ANGPT1: variants seen among roughly 807,000 people sequenced by gnomAD.
ANGPT1 encodes angiopoietin 1, also known as angiopoietin-1.
A neutral mutation model predicts 62.2 loss-of-function variants in ANGPT1; 17 were observed. That is an observed-to-expected ratio of 0.27 (90% confidence interval 0.19 to 0.41). ANGPT1 has a LOEUF of 0.41. Ranked by LOEUF, ANGPT1 falls within the 10% of genes least tolerant of loss-of-function variation. The pLI is 1.00. For missense variants in ANGPT1, 478 were observed against 594.9 expected, an observed-to-expected ratio of 0.80 and a Z score of 2.04; for synonymous variants, 199 against 198.9, an observed-to-expected ratio of 1.00 and a Z score of 0.00.
chr8:107,450,179 T>C (rs1811730776), intron 1 of ANGPT1, among the ~76,000 whole-genome samples: 1 of 152,032 alleles, frequency 6.6e-6, no homozygotes, highest in Admixed American at 6.6e-5. Flanking sequence ...CATACGGTAT[T>C]GTTGGAAAAG....
chr8:107,271,095 G>A (rs11784856), intron 7 of ANGPT1, among the ~76,000 whole-genome samples: 36,197 of 151,818 alleles, frequency 0.24, 4,602 homozygotes, highest in East Asian at 0.31. Context: ...ACGAAATGGA[G>A]AAATAAATAA....
At chr8:107,288,493 C>T (rs1261201340) in intron 6 of ANGPT1, among the ~76,000 whole-genome samples, 1 of 152,004 alleles carries the variant, frequency 6.6e-6, no homozygotes, top group Non-Finnish European at 1.5e-5. Context: ...TCAGAAACAG[C>T]TGTGGGGGTT....
At chr8:107,370,338 GA>G (rs56758955) in intron 1 of ANGPT1, among the ~76,000 whole-genome samples, 1 of 33,760 alleles carries the variant, frequency 3.0e-5, no homozygotes, top group African/African-American at 8.4e-5. Flanking sequence ...AGGAAAGAAA[GA>G]AAAAGAAAGA....
chr8:107,444,111 G>T (rs1811552188), intron 1 of ANGPT1, among the ~76,000 whole-genome samples: 1 of 152,104 alleles, frequency 6.6e-6, no homozygotes, highest in South Asian at 2.1e-4. Context: ...AATTGTCCAT[G>T]GGTTATATGT....
At chr8:107,424,223 C>G (rs974325464) in intron 1 of ANGPT1, among the ~76,000 whole-genome samples, 5 of 151,952 alleles carry the variant, frequency 3.3e-5, no homozygotes, top group Non-Finnish European at 5.9e-5. Flanking sequence ...TCTTAGTTGG[C>G]TTCAAAATGC....
chr8:107,280,392 C>T (rs1401116425), intron 7 of ANGPT1, among the ~76,000 whole-genome samples: 1 of 151,928 alleles, frequency 6.6e-6, no homozygotes, highest in Admixed American at 6.6e-5. Context: ...CAAACAGTGC[C>T]TGGAAAGGGG....
chr8:107,371,507 T>G (rs2130244628), intron 1 of ANGPT1, among the ~76,000 whole-genome samples: 1 of 151,956 alleles, frequency 6.6e-6, no homozygotes, highest in African/African-American at 2.4e-5. Flanking sequence ...TAGACTAAAT[T>G]TGAAAGTTGG....
intron 1 of ANGPT1, among the ~76,000 whole-genome samples, chr8:107,464,486 C>T (rs1035397426): frequency 1.3e-5 from 2 of 151,842 alleles, no homozygotes; most frequent in Non-Finnish European, 2.9e-5. Flanking sequence ...TTTATCTTGT[C>T]CCTACTATAT....
chr8:107,478,244 C>A (rs538218767), intron 1 of ANGPT1, among the ~76,000 whole-genome samples: 2 of 140,236 alleles, frequency 1.4e-5, no homozygotes, highest in East Asian at 2.0e-4. Context: ...TCTAAATATA[C>A]CTATTCAAAA....
chr8:107,490,824 A>G (rs540536482), intron 1 of ANGPT1, among the ~76,000 whole-genome samples: 1 of 152,360 alleles, frequency 6.6e-6, no homozygotes, highest in Non-Finnish European at 1.5e-5. Flanking sequence ...ATGCACGGAC[A>G]ACATATAAAG....
chr8:107,425,289 C>A (rs368945868), intron 1 of ANGPT1, among the ~76,000 whole-genome samples: 1 of 152,176 alleles, frequency 6.6e-6, no homozygotes, highest in Non-Finnish European at 1.5e-5. Context: ...GGTGACCATA[C>A]GCTACTATGG....
chr8:107,268,909 A>G (rs1182000477), intron 7 of ANGPT1, among the ~76,000 whole-genome samples: 3 of 152,076 alleles, frequency 2.0e-5, no homozygotes, highest in South Asian at 2.1e-4. Context: ...GATACTTAGT[A>G]GCACTTGTAA....
chr8:107,400,661 G>C (rs977595427), intron 1 of ANGPT1, among the ~76,000 whole-genome samples: 7 of 151,028 alleles, frequency 4.6e-5, no homozygotes, highest in Non-Finnish European at 8.8e-5. Context: ...CCAGGTTCAT[G>C]CAATTCTCCT....
intron 4 of ANGPT1, 97 bp downstream of exon 4, chr8:107,321,799 C>T (rs986974316): frequency 1.5e-5 from 15 of 973,134 alleles, no homozygotes; most frequent in Non-Finnish European, 2.0e-5. Context: ...CTATTTTTTA[C>T]ACAGCAATCA....
chr8:107,452,215 G>A (rs10086467), intron 1 of ANGPT1, among the ~76,000 whole-genome samples: 1 of 150,900 alleles, frequency 6.6e-6, no homozygotes, highest in Admixed American at 6.6e-5. Flanking sequence ...AGAGAGATGT[G>A]TACCAAATTT....
intron 7 of ANGPT1, among the ~76,000 whole-genome samples, chr8:107,266,565 A>T (rs895586654): frequency 1.3e-5 from 2 of 152,222 alleles, no homozygotes; most frequent in African/African-American, 4.8e-5. Flanking sequence ...AATCTGCTCT[A>T]CTGGGCCTGG....
At chr8:107,416,197 C>T (rs1255179794) in intron 1 of ANGPT1, among the ~76,000 whole-genome samples, 1 of 152,166 alleles carries the variant, frequency 6.6e-6, no homozygotes, top group Non-Finnish European at 1.5e-5. Flanking sequence ...AAACTGCCCC[C>T]TTCCACTGCA....
intron 1 of ANGPT1, among the ~76,000 whole-genome samples, chr8:107,395,497 A>G (rs1192509485): frequency 6.6e-6 from 1 of 152,090 alleles, no homozygotes; most frequent in Non-Finnish European, 1.5e-5. Flanking sequence ...ATGATTTCTC[A>G]CTGTATCTTT....
chr8:107,276,307 T>C (rs998449754), intron 7 of ANGPT1, among the ~76,000 whole-genome samples: 3 of 152,178 alleles, frequency 2.0e-5, no homozygotes, highest in South Asian at 2.1e-4. Context: ...ATGTTAGGAA[T>C]TGAGGGAAGT....
Sources: allele counts gnomAD v4.1 joint callset (sites outside exome capture counted in the v4.1 genomes callset), GRCh38; gene constraint gnomAD v4.1.1; transcripts MANE v1.5; gene names NCBI Gene and HGNC (gene_info 2026-07-23, HGNC 2026-07-21).